The following TMEM86B variants were observed in gnomAD, a reference collection of about 807,000 sequenced individuals.
TMEM86B encodes the protein transmembrane protein 86B.
A neutral mutation model predicts 12.3 loss-of-function variants in TMEM86B; 15 were observed. The observed-to-expected ratio is 1.22, with a 90% confidence interval of 0.81 to 1.87. The LOEUF (loss-of-function observed/expected upper bound fraction) is 1.87, where lower values mean the gene tolerates loss of function less well. TMEM86B is among the 40% of genes most tolerant of loss of function. TMEM86B has a pLI of 0.00. For synonymous variants in TMEM86B, 173 were observed against 140.3 expected (o/e 1.23, Z -1.65); for missense variants, 328 against 297.4 (o/e 1.10, Z -0.76).
rs1394912622 is a variant in TMEM86B at position 55,226,929 on chromosome 19, A to G, written c.*252T>C. The G allele has an allele frequency of 2.6e-6, 1 of 379,720 alleles. No individual in the cohort carries two copies. Among genetic ancestry groups the G allele is most frequent in the East Asian group, 4.0e-5 (1 of 24,894 alleles). 23.5% of individuals were successfully genotyped at this position (379,720 alleles called of 1,614,324 possible). A position where few individuals can be genotyped will look rare whatever the true frequency, so the allele number is the denominator to read the frequency against. The stretch of plus-strand genomic sequence containing the variant: ...GCAGGCTGGTGGCTGGGAGGGCTCC[A>G]TGTGGGCCTGGCTGAGGAGCCAGGG... On this transcript the variant is annotated 3_prime_UTR_variant, in exon 3 of 3. Transcript: ENST00000327042.
Position 55,227,526 on chromosome 19 carries a change from G to C in TMEM86B, c.336C>G (p.Val112=). 1 of 1,544,096 alleles carries C rather than the reference G, an allele frequency of 6.5e-7. No individual in the cohort carries two copies. Among genetic ancestry groups the C allele is most frequent in the Non-Finnish European group, 8.8e-7 (1 of 1,141,914 alleles). ...AAFATAHLLY[V]WAFGFSPLQP... The stretch of plus-strand genomic sequence containing the variant: ...GCAGGGGAGAGAAGCCGAAGGCCCA[G>C]ACGTAGAGGAGGTGGGCGGTGGCAA... The change falls in exon 3 of 3, where the codon GTC becomes GTG. Residue 112 remains valine (V), a synonymous_variant. Transcript: ENST00000327042.
At chr19:55,228,490 G>C (rs764967178) in intron 1 of TMEM86B, 53 bp from the exon 2 acceptor site, 2 of 1,598,900 alleles carry the variant, frequency 1.3e-6, no homozygotes, top group South Asian at 1.1e-5. Flanking sequence ...CCCCATTCTT[G>C]GGACTCAGAT....
Position 55,227,311 on chromosome 19 carries a change from C to A in TMEM86B, c.551G>T (p.Gly184Val). Residue 184 changes from glycine to valine, a missense_variant, in exon 3 of 3, where the codon GGC (glycine) becomes GTC (valine). Physicochemically the swap from Gly to Val is moderately radical, Grantham distance 109. Coordinates refer to ENST00000327042, the MANE Select transcript of TMEM86B (RefSeq NM_173804.5). ...WGALLFTLSD[G>V]VLAWDTFAQP... The stretch of plus-strand genomic sequence containing the variant: ...GGCGAAGGTGTCCCAGGCCAGCACG[C>A]CATCAGAGAGCGTGAAGAGCAGCGC... The A allele has an allele frequency of 4.3e-6, 7 of 1,609,754 alleles. No individual in the cohort carries two copies. The highest frequency in any genetic ancestry group is 5.1e-6 in the Non-Finnish European group (6 of 1,177,998).
chr19:55,228,198 G>A lies in TMEM86B; in HGVS notation c.291C>T (p.Phe97=), dbSNP rs367982828. 1.7e-5 allele frequency: 28 copies of A among 1,609,758 alleles called. No individual in the cohort carries two copies. The highest frequency in any genetic ancestry group is 4.0e-5 in the African/African-American group (3 of 74,848). ...ACAGCACCTTCCACTCACCAGGGAC[G>A]AAGGCTGCCGGCCAGATGAGGCAAG... ...GDACLIWPAA[F]VPGMAAFATA... The change falls in exon 2 of 3, where the codon TTC becomes TTT. Residue 97 remains phenylalanine, a synonymous_variant. Coordinates refer to ENST00000327042, the MANE Select transcript of TMEM86B (RefSeq NM_173804.5).
Position 55,228,308 on chromosome 19 carries a change from C to G in TMEM86B, c.181G>C (p.Ala61Pro). 2 of 1,613,746 alleles carry G rather than the reference C, an allele frequency of 1.2e-6. No individual in the cohort carries two copies. The highest frequency in any genetic ancestry group is 1.7e-6 in the Non-Finnish European group (2 of 1,179,952). ...GGGGACATGACCCACAGGAACCCAGCCAGGCAGAGGACGGGCAGGCACTTG... is the reference window on the plus strand; with the variant it reads ...GGGGACATGACCCACAGGAACCCAGGCAGGCAGAGGACGGGCAGGCACTTG... ...LVKCLPVLCL[A>P]GFLWVMSPSG... The change falls in exon 2 of 3, where the codon GCT becomes CCT. Residue 61 changes from alanine (A) to proline (P), a missense_variant. Coordinates refer to ENST00000327042, the MANE Select transcript of TMEM86B (RefSeq NM_173804.5).
In TMEM86B at chr19:55,227,096, G is replaced by T; in HGVS notation, c.*85C>A. The T allele has an allele frequency of 3.0e-6, 4 of 1,348,394 alleles. No homozygotes were observed. The highest frequency in any genetic ancestry group is 3.9e-6 in the Non-Finnish European group (4 of 1,038,396). The allele number at this position is 1,348,394 out of a possible 1,614,324, so 83.5% of individuals were successfully genotyped here. On this transcript the variant is annotated 3_prime_UTR_variant, in exon 3 of 3. Coordinates refer to ENST00000327042, the MANE Select transcript of TMEM86B (RefSeq NM_173804.5). ...GGCGTCAGGAAGCTTCGCTGCTGAGGGTATTTCTCAGGCTGGGCTGGGCTG... is the reference window on the plus strand; with the variant it reads ...GGCGTCAGGAAGCTTCGCTGCTGAGTGTATTTCTCAGGCTGGGCTGGGCTG...
chr19:55,227,621 G>A, intron 2 of TMEM86B, 58 bp from the exon 3 acceptor site: 8 of 1,471,100 alleles, frequency 5.4e-6, no homozygotes, highest in Non-Finnish European at 7.2e-6. Context: ...ATGGCCCCGA[G>A]GTCACCCCTC....
At position 55,227,112 on chromosome 19, in the gene TMEM86B, G is replaced by A; in HGVS notation, c.*69C>T. ...GCTGCTGAGGGTATTTCTCAGGCTG[G>A]GCTGGGCTGGGAGGCCCAGGTCCTT... On this transcript the variant is annotated 3_prime_UTR_variant, in exon 3 of 3. Coordinates refer to ENST00000327042, the MANE Select transcript of TMEM86B (RefSeq NM_173804.5). The A allele has an allele frequency of 7.3e-7, 1 of 1,378,894 alleles. No homozygotes were observed. The highest frequency in any genetic ancestry group is 9.5e-7 in the Non-Finnish European group (1 of 1,057,928). 85.4% of individuals were successfully genotyped at this position (1,378,894 alleles called of 1,614,324 possible). A position where few individuals can be genotyped will look rare whatever the true frequency, so the allele number is the denominator to read the frequency against.
At position 55,228,523 on chromosome 19, in the gene TMEM86B, C is replaced by T. The variant is rs531872515; in HGVS notation, c.52-86G>A. ...GATCTCATGGCTCCTGTCCCACCCC[C>T]ACCTGGGACCCCAGCTGTACAGGCT... On this transcript the variant is annotated intron_variant, in intron 1 of 2. Coordinates refer to ENST00000327042, the MANE Select transcript of TMEM86B (RefSeq NM_173804.5). 1.1e-5 allele frequency: 17 copies of T among 1,564,108 alleles called. No individual in the cohort carries two copies. The South Asian group carries it at 1.2e-4, about 11-fold the overall frequency.
rs372461724 is a variant in TMEM86B, at chr19:55,227,342, A to G, written c.520T>C (p.Trp174Arg). 5 of 1,605,380 alleles carry G rather than the reference A, an allele frequency of 3.1e-6. No homozygotes were observed. The highest frequency in any genetic ancestry group is 1.7e-5 in the Admixed American group (1 of 59,172). ...GAGAGCGTGAAGAGCAGCGCGCCCCAGCCGGCACTCCCGCCCTGGGCCAGG... is the reference window on the plus strand; with the variant it reads ...GAGAGCGTGAAGAGCAGCGCGCCCCGGCCGGCACTCCCGCCCTGGGCCAGG... ...RGLAQGGSAG[W>R]GALLFTLSDG... The change falls in exon 3 of 3, where the codon TGG (tryptophan) becomes CGG (arginine). Residue 174 changes from tryptophan (W) to arginine (R), a missense_variant. Coordinates refer to ENST00000327042, the MANE Select transcript of TMEM86B (RefSeq NM_173804.5).
Position 55,227,270 on chromosome 19 carries a change from C to T in TMEM86B, c.592G>A (p.Ala198Thr). 6.2e-7 allele frequency: 1 copy of T among 1,606,614 alleles called. No homozygotes were observed. Residue 198 changes from alanine to threonine, a missense_variant, in exon 3 of 3, where the codon GCC becomes ACC. Ala to Thr is a moderately conservative substitution (Grantham distance 58). Transcript: ENST00000327042. ...TAGGTGGTCATGATCACCAGGTGGG[C>T]ATGGGGCAGGGGCTGGGCGAAGGTG... ...WDTFAQPLPH[A>T]HLVIMTTYYA... is the part of the protein sequence containing the mutation.
At chr19:55,227,861 T>C in intron 2 of TMEM86B, 1 of 587,190 alleles carries the variant, frequency 1.7e-6, no homozygotes, top group Non-Finnish European at 2.9e-6. Flanking sequence ...CCGGAGCCTT[T>C]ACACTCGCCC....
In TMEM86B at chr19:55,227,100, T is replaced by C. The variant is rs1281211050; in HGVS notation, c.*81A>G. 69 of 1,354,474 alleles carry C rather than the reference T, an allele frequency of 5.1e-5. No individual in the cohort carries two copies. The highest frequency in any genetic ancestry group is 6.5e-5 in the Non-Finnish European group (68 of 1,043,938). The allele number at this position is 1,354,474 out of a possible 1,614,324, so 83.9% of individuals were successfully genotyped here. ...TCAGGAAGCTTCGCTGCTGAGGGTA[T>C]TTCTCAGGCTGGGCTGGGCTGGGAG... On this transcript the variant is annotated 3_prime_UTR_variant, in exon 3 of 3. Transcript: ENST00000327042.
chr19:55,227,438 G>A lies in TMEM86B; in HGVS notation c.424C>T (p.His142Tyr). Residue 142 changes from histidine to tyrosine, a missense_variant, in exon 3 of 3, where the codon CAC becomes TAC. Physicochemically the swap from His to Tyr is moderately conservative, Grantham distance 83. Transcript: ENST00000327042. ...PGPYLSLVLQ[H>Y]LEPDMVLPVA... ...GGCAGGACCATATCCGGCTCGAGGT[G>A]CTGGAGCACAAGGCTGAGGTAGGGG... The A allele has an allele frequency of 1.9e-6, 3 of 1,565,056 alleles. No individual in the cohort carries two copies. Among genetic ancestry groups the A allele is most frequent in the Admixed American group, 1.9e-5 (1 of 52,096 alleles).
rs774108681 is a variant in TMEM86B, at chr19:55,228,396, GGA to G, written c.91_92del (p.Ser31LeufsTer152). ...VCRWLSPFIL[S>X]CCVYFCLWIP... Reference sequence around the variant, plus strand: ...TCCAGAGGCAGAAGTACACGCAGCAGGAGAGGATGAAGGGGCTCAGCCACCTG... The same window carrying G: ...TCCAGAGGCAGAAGTACACGCAGCAGGAGGATGAAGGGGCTCAGCCACCTG... On this transcript the variant is annotated frameshift_variant, in exon 2 of 3. Coordinates refer to ENST00000327042, the MANE Select transcript of TMEM86B (RefSeq NM_173804.5). LOFTEE classifies it high-confidence loss of function. The G allele has an allele frequency of 5.6e-6, 9 of 1,613,694 alleles. No individual in the cohort carries two copies. The African/African-American group carries it at 1.2e-4, about 21-fold the overall frequency.
chr19:55,228,195 G>C lies in TMEM86B; in HGVS notation c.294C>G (p.Val98=). Reference sequence around the variant, plus strand: ...GTCACAGCACCTTCCACTCACCAGGGACGAAGGCTGCCGGCCAGATGAGGC... The same window carrying C: ...GTCACAGCACCTTCCACTCACCAGGCACGAAGGCTGCCGGCCAGATGAGGC... The part of the protein sequence containing the change: ...DACLIWPAAF[V]PGMAAFATAH... The change falls in exon 2 of 3, where the codon GTC becomes GTG. Residue 98 remains valine (V), a synonymous_variant. Coordinates refer to ENST00000327042, the MANE Select transcript of TMEM86B (RefSeq NM_173804.5). 6.2e-7 allele frequency: 1 copy of C among 1,609,566 alleles called. No individual in the cohort carries two copies. The highest frequency in any genetic ancestry group is 1.3e-5 in the African/African-American group (1 of 74,982).
chr19:55,227,315 C>G lies in TMEM86B; in HGVS notation c.547G>C (p.Asp183His). The G allele has an allele frequency of 6.2e-7, 1 of 1,609,634 alleles. No homozygotes were observed. The highest frequency in any genetic ancestry group is 8.5e-7 in the Non-Finnish European group (1 of 1,177,942). ...GWGALLFTLS[D>H]GVLAWDTFAQ... ...AAGGTGTCCCAGGCCAGCACGCCAT[C>G]AGAGAGCGTGAAGAGCAGCGCGCCC... The change falls in exon 3 of 3, where the codon GAT becomes CAT. Residue 183 changes from aspartate to histidine, a missense_variant. Asp to His is a moderately conservative substitution (Grantham distance 81). Transcript: ENST00000327042.
chr19:55,227,241 A>C lies in TMEM86B; in HGVS notation c.621T>G (p.Tyr207Ter), dbSNP rs897879320. The part of the protein sequence containing the change: ...HAHLVIMTTY[Y>*]AAQLLITLSA... ...ACAGTGTGATGAGGAGCTGGGCAGC[A>C]TAGTAGGTGGTCATGATCACCAGGT... The change falls in exon 3 of 3, where the codon TAT becomes TAG. Residue 207 changes from tyrosine to a stop codon, truncating the protein, a stop_gained. Transcript: ENST00000327042. LOFTEE classifies it low-confidence loss of function (END_TRUNC). 6.9e-6 allele frequency: 11 copies of C among 1,594,534 alleles called. No individual in the cohort carries two copies. The highest frequency in any genetic ancestry group is 1.1e-5 in the South Asian group (1 of 88,374).
rs1032763206 is a variant in TMEM86B, at chr19:55,227,044, C to T, written c.*137G>A. ...GTCCTCAAACGTCTTCAGCCAGAAG[C>T]GACGGCGGCAGCGGCGCCTGCAGAC... On this transcript the variant is annotated 3_prime_UTR_variant, in exon 3 of 3. Coordinates refer to ENST00000327042, the MANE Select transcript of TMEM86B (RefSeq NM_173804.5). 9 of 1,043,434 alleles carry T rather than the reference C, an allele frequency of 8.6e-6. No individual in the cohort carries two copies. Among genetic ancestry groups the T allele is most frequent in the African/African-American group, 3.3e-5 (2 of 60,936 alleles). The allele number at this position is 1,043,434 out of a possible 1,614,324, so 64.6% of individuals were successfully genotyped here.
Sources: allele counts gnomAD v4.1 joint callset, GRCh38; gene constraint gnomAD v4.1.1; transcripts MANE v1.5; gene names NCBI Gene and HGNC (gene_info 2026-07-23, HGNC 2026-07-21).